PARP4: variants seen among roughly 807,000 people sequenced by gnomAD.
The protein encoded by PARP4 is poly(ADP-ribose) polymerase family member 4, also known as protein mono-ADP-ribosyltransferase PARP4.
In PARP4, 120 loss-of-function variants were observed where a neutral mutation model predicts 187.7. The ratio of observed to expected loss-of-function variants is 0.64; its 90% CI spans 0.55 to 0.74. The LOEUF is 0.74. Ranked by LOEUF, PARP4 falls within the 30% of genes least tolerant of loss-of-function variation. The pLI is 0.00. For synonymous variants in PARP4, 654 were observed against 740.9 expected (o/e 0.88, Z 1.90); for missense variants, 1,836 against 2,070.5 (o/e 0.89, Z 2.20).
intron 12 of PARP4, among the ~76,000 whole-genome samples, chr13:24,483,073 G>T (rs561868957): frequency 8.8e-4 from 134 of 151,654 alleles, no homozygotes; most frequent in African/African-American, 3.1e-3. Flanking sequence ...CAAGCTGGAT[G>T]TAGTGGTTCA....
chr13:24,430,022 G>A (rs1028195679), intron 32 of PARP4, among the ~76,000 whole-genome samples: 1 of 152,182 alleles, frequency 6.6e-6, no homozygotes, highest in African/African-American at 2.4e-5. Context: ...CAAAGATTAT[G>A]TTCACTCTAG....
chr13:24,445,929 T>C (rs1871186098), intron 27 of PARP4, among the ~76,000 whole-genome samples: 1 of 152,108 alleles, frequency 6.6e-6, no homozygotes, highest in South Asian at 2.1e-4. Flanking sequence ...TTGAATTAAA[T>C]TGTAGGACAT....
chr13:24,445,956 A>T (rs1470958763), intron 27 of PARP4, among the ~76,000 whole-genome samples: 2 of 152,158 alleles, frequency 1.3e-5, no homozygotes, highest in East Asian at 3.9e-4. Flanking sequence ...GGTGTCAGAG[A>T]ATTGGTTGGG....
Position 24,500,358 on chromosome 13 carries a change from G to C in PARP4, c.359C>G (p.Pro120Arg), listed in dbSNP as rs199585627. Residue 120 changes from proline to arginine, a missense_variant, in exon 4 of 34, where the codon CCG (proline) becomes CGG (arginine). Physicochemically the swap from Pro to Arg is moderately radical, Grantham distance 103 (BLOSUM62 -2). Around this residue, in one of 8 missense-constraint regions of PARP4, gnomAD observed 1,147 missense variants for 1,214.2 expected, o/e 0.94. Transcript: ENST00000381989. ...GTCTTCCTCCTCTGTGGCACTGTCC[G>C]GGCATAGACCTTCTGTTTTCACTTC... is the stretch of plus-strand genomic sequence containing the variant. ...SSEVKTEGLC[P>R]DSATEEEDTV... The C allele has an allele frequency of 1.9e-5, 30 of 1,602,852 alleles. No homozygotes were observed. Among genetic ancestry groups the C allele is most frequent in the Non-Finnish European group, 2.4e-5 (28 of 1,173,666 alleles).
intron 5 of PARP4, 95 bp from the exon 6 acceptor site, chr13:24,498,324 C>T: frequency 1.4e-6 from 1 of 695,652 alleles, no homozygotes; most frequent in Non-Finnish European, 2.5e-6. Context: ...AAAATATGTT[C>T]ATTTAGAGAT....
chr13:24,453,408 T>C (rs1426625238), intron 23 of PARP4, among the ~76,000 whole-genome samples, 179 bp downstream of exon 23: 1 of 152,132 alleles, frequency 6.6e-6, no homozygotes, highest in East Asian at 1.9e-4. Context: ...TTCTTTTTAA[T>C]TTCCAATTTT....
Position 24,452,434 on chromosome 13 carries a change from G to A in PARP4, c.2986C>T (p.His996Tyr), listed in dbSNP as rs1871571270. 6.2e-7 allele frequency: 1 copy of A among 1,613,676 alleles called. No individual in the cohort carries two copies. Among genetic ancestry groups the A allele is most frequent in the African/African-American group, 1.3e-5 (1 of 74,930 alleles). The change falls in exon 24 of 34, where the codon CAC becomes TAC. Residue 996 changes from histidine (H) to tyrosine (Y), a missense_variant. His to Tyr is a moderately conservative substitution (Grantham distance 83). Coordinates refer to ENST00000381989, the MANE Select transcript of PARP4 (RefSeq NM_006437.4). ...ATACCGCAGGCGAATAACCTGGTGTGCGGGCGGCTCCTCTTCACGAGCTGT... is the reference window on the plus strand; with the variant it reads ...ATACCGCAGGCGAATAACCTGGTGTACGGGCGGCTCCTCTTCACGAGCTGT... ...TLQLVKRSRP[H>Y]TRLFACGIGS...
intron 27 of PARP4, among the ~76,000 whole-genome samples, chr13:24,444,182 A>G (rs9511268): frequency 0.34 from 50,412 of 147,026 alleles, 4,966 homozygotes; most frequent in African/African-American, 0.39. Flanking sequence ...CTCTCCAACA[A>G]CTGAGAGATG....
Position 24,490,778 on chromosome 13 carries a change from G to A in PARP4, c.1104C>T (p.Asn368=). The A allele has an allele frequency of 6.2e-7, 1 of 1,614,056 alleles. No individual in the cohort carries two copies. The highest frequency in any genetic ancestry group is 8.5e-7 in the Non-Finnish European group (1 of 1,179,918). ...CTCGGTATTTGGCCAGGGATGGTGG[G>A]TTGGGTTTGGACAAATTAGTTTCAC... ...NVCETNLSKP[N]PPSLAKYRAL... is the part of the protein sequence containing the mutation. Residue 368 remains asparagine, a synonymous_variant, in exon 10 of 34, where the codon AAC becomes AAT. Coordinates refer to ENST00000381989, the MANE Select transcript of PARP4 (RefSeq NM_006437.4).
intron 7 of PARP4, 132 bp downstream of exon 7, chr13:24,494,441 G>T: frequency 1.4e-6 from 1 of 723,716 alleles, no homozygotes; most frequent in Non-Finnish European, 2.3e-6. Flanking sequence ...TGATCCTCCT[G>T]CCTTGGCCTC....
intron 16 of PARP4, among the ~76,000 whole-genome samples, chr13:24,469,674 A>G (rs563646005): frequency 6.6e-6 from 1 of 152,340 alleles, no homozygotes; most frequent in East Asian, 1.9e-4. Context: ...CAAGACACTG[A>G]AGATGAAGAC....
rs202133401 is a variant in PARP4 at position 24,469,894 on chromosome 13, C to G, written c.2046G>C (p.Glu682Asp). The G allele has an allele frequency of 3.7e-6, 6 of 1,612,330 alleles. No homozygotes were observed. The highest frequency in any genetic ancestry group is 5.1e-6 in the Non-Finnish European group (6 of 1,179,142). ...AFINGKHIVG[E>D]IKEKEEAQQE... ...GGCACGATGCATCTTCTTGCCTTAC[C>G]TCTCCAACTATGTGCTTCCCATTGA... The change falls in exon 16 of 34, where the codon GAG becomes GAC. Residue 682 changes from glutamate to aspartate, a missense_variant and splice_region_variant. Transcript: ENST00000381989.
intron 33 of PARP4, among the ~76,000 whole-genome samples, chr13:24,425,530 T>C (rs1869986700): frequency 2.3e-5 from 3 of 129,750 alleles, no homozygotes; most frequent in Admixed American, 8.4e-5. Context: ...TGTATATGTG[T>C]ATGCATGTGT....
chr13:24,424,425 C>A (rs1869912628), intron 33 of PARP4, among the ~76,000 whole-genome samples: 1 of 152,098 alleles, frequency 6.6e-6, no homozygotes, highest in African/African-American at 2.4e-5. Context: ...ACTTCGCTGA[C>A]TGCATTTCCA....
At chr13:24,492,368 C>T (rs940918803) in intron 9 of PARP4, 53 bp downstream of exon 9, 6 of 1,305,906 alleles carry the variant, frequency 4.6e-6, no homozygotes, top group African/African-American at 1.5e-5. Flanking sequence ...TCTAAAGACC[C>T]CCACCCTCAA....
chr13:24,481,900 G>A (rs372885353), intron 12 of PARP4, among the ~76,000 whole-genome samples: 71 of 152,312 alleles, frequency 4.7e-4, no homozygotes, highest in African/African-American at 1.7e-3. Flanking sequence ...TAAGGCTATA[G>A]CTGCCATAGA....
Position 24,460,145 on chromosome 13 carries a change from GA to G in PARP4, c.2134-10del. The G allele has an allele frequency of 1.2e-6, 2 of 1,610,006 alleles. No individual in the cohort carries two copies. Among genetic ancestry groups the G allele is most frequent in the Non-Finnish European group, 1.7e-6 (2 of 1,177,784 alleles). On this transcript the variant is annotated splice_polypyrimidine_tract_variant and intron_variant, in intron 17 of 33. Coordinates refer to ENST00000381989, the MANE Select transcript of PARP4 (RefSeq NM_006437.4). ...CTTACAGTAAAAACGTCCTGAAACA[GA>G]AACATATGACTTAGCTTCCAACTTG... is the stretch of plus-strand genomic sequence containing the variant.
chr13:24,432,819 G>A (rs532245366), intron 31 of PARP4, among the ~76,000 whole-genome samples: 189 of 152,280 alleles, frequency 1.2e-3, no homozygotes, highest in African/African-American at 4.5e-3. Context: ...AGGAGAATGT[G>A]CTAAGCCTGA....
At chr13:24,487,979 A>G (rs1422187476) in intron 10 of PARP4, among the ~76,000 whole-genome samples, 1 of 152,262 alleles carries the variant, frequency 6.6e-6, no homozygotes, top group Non-Finnish European at 1.5e-5. Flanking sequence ...AGAAAAGAAC[A>G]TGAGTTTTAT....
Sources: gnomAD v4.1 joint callset for allele counts (sites outside exome capture counted in the v4.1 genomes callset) on GRCh38, gnomAD v4.1.1 for gene constraint, gnomAD v4.1.1 regional missense constraint, MANE v1.5 for transcripts, NCBI Gene and HGNC (gene_info 2026-07-23, HGNC 2026-07-21) for gene names.